VIT: variants seen among roughly 807,000 people sequenced by gnomAD.
VIT encodes the protein vitrin.
VIT carries 99 observed loss-of-function variants against 78.0 expected under a neutral mutation model. The ratio of observed to expected loss-of-function variants is 1.27; its 90% CI spans 1.08 to 1.50. VIT has a LOEUF of 1.50. Among genes scored for constraint, VIT ranks in the 40% most tolerant of loss-of-function variants. The probability of loss-of-function intolerance (pLI) is 0.00; values close to 1 mark genes in which losing one functional copy is unlikely to be tolerated. For synonymous variants in VIT, 374 were observed against 334.3 expected, an observed-to-expected ratio of 1.12 and a Z score of -1.29; for missense variants, 1,126 against 875.3, an observed-to-expected ratio of 1.29 and a Z score of -3.61.
chr2:36,708,104 A>T, intron 1 of VIT, among the ~76,000 whole-genome samples: 1 of 145,138 alleles, frequency 6.9e-6, no homozygotes, highest in East Asian at 2.0e-4. Flanking sequence ...CACATTGTAA[A>T]GGACCTCCCC....
intron 3 of VIT, among the ~76,000 whole-genome samples, chr2:36,736,927 G>A (rs1667542459): frequency 6.6e-6 from 1 of 152,142 alleles, no homozygotes; most frequent in South Asian, 2.1e-4. Context: ...GGGACTGTCT[G>A]TATTTACCAC....
chr2:36,741,371 C>T (rs558816618), intron 3 of VIT, among the ~76,000 whole-genome samples: 31 of 152,298 alleles, frequency 2.0e-4, no homozygotes, highest in African/African-American at 6.7e-4. Flanking sequence ...TGAAGCACAG[C>T]GCTCTACTTC....
chr2:36,750,264 GC>G (rs1394892945), intron 4 of VIT, among the ~76,000 whole-genome samples: 3 of 152,182 alleles, frequency 2.0e-5, no homozygotes, highest in African/African-American at 7.2e-5. Flanking sequence ...ACCCATACAT[GC>G]CTCCCACACA....
chr2:36,787,319 C>T, intron 12 of VIT, 43 bp downstream of exon 12: 2 of 1,585,314 alleles, frequency 1.3e-6, no homozygotes, highest in Middle Eastern at 3.4e-4. Context: ...GAAGTCATGC[C>T]ATGTGCTTAA....
rs143752935 is a variant in VIT, at chr2:36,808,374, C to T, written c.1390-98C>T. 204 of 1,450,116 alleles carry T rather than the reference C, an allele frequency of 1.4e-4. No individual in the cohort carries two copies. In the East Asian group the frequency reaches 4.9e-3, roughly 35 times the overall value. The allele number at this position is 1,450,116 out of a possible 1,614,324, so 89.8% of individuals were successfully genotyped here. A position where few individuals can be genotyped will look rare whatever the true frequency, so the allele number is the denominator to read the frequency against. ...GAGGGCTAGTGCAGAAAACAAGGGC[C>T]TGCTTGCTTCTTCACCTGCCCCGGG... On this transcript the variant is annotated intron_variant, in intron 14 of 15. Transcript: ENST00000379242.
rs142668632 is a variant in VIT, at chr2:36,808,820, G to T, written c.1738G>T (p.Val580Leu). ...TGACATCCTCAACGCCATCAAGAGG[G>T]TGGGCTACTGGAGTGGTGGCACCAG... ...KPDILNAIKR[V>L]GYWSGGTSTG... The change falls in exon 15 of 16, where the codon GTG becomes TTG. Residue 580 changes from valine to leucine, a missense_variant. By Grantham distance (32) the Val-to-Leu change is conservative (BLOSUM62 1). Transcript: ENST00000379242. 460 of 1,614,208 alleles carry T rather than the reference G, an allele frequency of 2.8e-4. 1 individual carries two copies. Among genetic ancestry groups the T allele is most frequent in the Non-Finnish European group, 3.4e-4 (405 of 1,180,018 alleles).
At chr2:36,726,393 A>T (rs1410844778) in intron 2 of VIT, among the ~76,000 whole-genome samples, 1 of 152,256 alleles carries the variant, frequency 6.6e-6, no homozygotes, top group African/African-American at 2.4e-5. Context: ...AAAAGTATTC[A>T]CATGAATACC....
chr2:36,787,548 G>C (rs886284462), intron 12 of VIT, among the ~76,000 whole-genome samples: 1 of 152,252 alleles, frequency 6.6e-6, no homozygotes, highest in Non-Finnish European at 1.5e-5. Flanking sequence ...GAAAACAGGA[G>C]AGATGCGTGT....
chr2:36,735,851 G>A (rs185478433), intron 3 of VIT, among the ~76,000 whole-genome samples: 131 of 152,298 alleles, frequency 8.6e-4, no homozygotes, highest in African/African-American at 3.1e-3. Flanking sequence ...TGGAGAGAGT[G>A]TTGTCTTTGC....
chr2:36,697,266 C>T (rs1054225940), intron 1 of VIT, among the ~76,000 whole-genome samples: 16 of 152,104 alleles, frequency 1.1e-4, no homozygotes, highest in African/African-American at 3.9e-4. Context: ...AAAAGTATGA[C>T]ATTTGTGTAG....
chr2:36,714,410 C>G (rs983661628), intron 1 of VIT, among the ~76,000 whole-genome samples: 4 of 152,096 alleles, frequency 2.6e-5, no homozygotes, highest in African/African-American at 9.7e-5. Flanking sequence ...GATTTGCTAC[C>G]ACAGAAATTG....
intron 7 of VIT, among the ~76,000 whole-genome samples, chr2:36,770,210 T>C (rs1669663709): frequency 6.6e-6 from 1 of 152,220 alleles, no homozygotes; most frequent in Non-Finnish European, 1.5e-5. Flanking sequence ...GCTACATCGA[T>C]GAACACATCC....
intron 6 of VIT, chr2:36,759,745 G>A (rs769345286): frequency 3.4e-6 from 3 of 880,508 alleles, no homozygotes; most frequent in Non-Finnish European, 4.1e-6. Context: ...GATAGTTCAG[G>A]TTCTGTTCAT....
Position 36,805,733 on chromosome 2 carries a change from G to T in VIT, c.1389+69G>T, listed in dbSNP as rs577275474. On this transcript the variant is annotated intron_variant, in intron 14 of 15. Transcript: ENST00000379242. ...CACTCTGAAAAATTGTAACGCCGTT[G>T]CAGTGGTTTTCCCATGCCTTTAAAT... 1.2e-4 allele frequency: 183 copies of T among 1,511,986 alleles called. 1 individual carries two copies. In the South Asian group the frequency reaches 2.2e-3, roughly 18 times the overall value. The allele number at this position is 1,511,986 out of a possible 1,614,324, so 93.7% of individuals were successfully genotyped here.
chr2:36,699,124 G>C (rs1664859962), intron 1 of VIT, among the ~76,000 whole-genome samples: 2 of 152,170 alleles, frequency 1.3e-5, no homozygotes, highest in Admixed American at 6.5e-5. Context: ...TTGGAGGTGT[G>C]AGCCAAGCAT....
At chr2:36,784,682 C>T (rs1258996554) in intron 11 of VIT, among the ~76,000 whole-genome samples, 1 of 152,214 alleles carries the variant, frequency 6.6e-6, no homozygotes, top group South Asian at 2.1e-4. Context: ...TAGAGTGATT[C>T]CCATAGATAC....
chr2:36,751,598 G>A (rs1221155838), intron 4 of VIT, among the ~76,000 whole-genome samples: 10 of 152,112 alleles, frequency 6.6e-5, no homozygotes, highest in Admixed American at 5.2e-4. Flanking sequence ...AGAAGGAGGC[G>A]CCCTGTGGAG....
intron 12 of VIT, among the ~76,000 whole-genome samples, chr2:36,799,593 C>T (rs747771494): frequency 1.3e-5 from 2 of 151,982 alleles, no homozygotes; most frequent in Non-Finnish European, 2.9e-5. Context: ...TGGCATGCAC[C>T]TGTGGTCTCA....
chr2:36,806,439 C>T (rs1203264704), intron 14 of VIT, among the ~76,000 whole-genome samples: 1 of 152,160 alleles, frequency 6.6e-6, no homozygotes, highest in African/African-American at 2.4e-5. Context: ...ATTTCATTGC[C>T]TCTTGCCTTT....
Sources: allele counts gnomAD v4.1 joint callset (sites outside exome capture counted in the v4.1 genomes callset), GRCh38; gene constraint gnomAD v4.1.1; transcripts MANE v1.5; gene names NCBI Gene and HGNC (gene_info 2026-07-23, HGNC 2026-07-21).